The following SLC38A4 variants were observed in gnomAD, a reference collection of about 807,000 sequenced individuals.
SLC38A4 encodes solute carrier family 38 member 4.
SLC38A4 carries 20 observed loss-of-function variants against 63.1 expected under a neutral mutation model. The observed-to-expected ratio is 0.32, with a 90% confidence interval of 0.22 to 0.46. The LOEUF (loss-of-function observed/expected upper bound fraction) is 0.46. SLC38A4 is among the 20% of genes least tolerant of loss of function. SLC38A4 has a pLI of 1.00. For missense variants in SLC38A4, 526 were observed against 663.6 expected, an observed-to-expected ratio of 0.79 and a Z score of 2.28; for synonymous variants, 230 against 225.5, an observed-to-expected ratio of 1.02 and a Z score of -0.18.
At chr12:46,779,206 T>G (rs531502156) in intron 10 of SLC38A4, among the ~76,000 whole-genome samples, 12 of 152,092 alleles carry the variant, frequency 7.9e-5, no homozygotes, top group East Asian at 1.9e-4. Flanking sequence ...GATTTCTTCT[T>G]TAATCCCACT....
chr12:46,829,833 A>G (rs189083628), upstream of SLC38A4, among the ~76,000 whole-genome samples: 62 of 152,376 alleles, frequency 4.1e-4, no homozygotes, highest in Non-Finnish European at 7.3e-5. Flanking sequence ...TGAACAATTA[A>G]TGCCCAAGTA....
intron 13 of SLC38A4, among the ~76,000 whole-genome samples, chr12:46,775,567 C>T (rs76414072): frequency 0.014 from 2,180 of 152,068 alleles, 59 homozygotes; most frequent in African/African-American, 0.05. Flanking sequence ...TGCGCAGCCA[C>T]TCCTGATGCA....
At chr12:46,769,201 G>T (rs1938360034) in intron 15 of SLC38A4, 83 bp downstream of exon 15, 3 of 1,465,648 alleles carry the variant, frequency 2.0e-6, no homozygotes, top group Admixed American at 3.5e-5. Context: ...CGGGGATCTG[G>T]ATGACCCAGC....
In SLC38A4 at chr12:46,823,839, A is replaced by T. The variant is rs1202113909; in HGVS notation, c.-305+2064T>A. ...TCCAGGTACTATTCAGAAGTGATGC[A>T]TTTCCCTTGGCTAGTTACAGCCTCC... is the stretch of plus-strand genomic sequence containing the variant. On this transcript the variant is annotated intron_variant, in intron 1 of 16. Coordinates refer to ENST00000266579, the MANE Select transcript of SLC38A4 (RefSeq NM_018018.5). Among the ~76,000 whole-genome samples the T allele has an allele frequency of 2.0e-5, 3 of 152,178 alleles. No homozygotes were observed. In the East Asian group the frequency reaches 5.8e-4, roughly 29 times the overall value.
At chr12:46,814,710 G>A (rs1939404578) in intron 1 of SLC38A4, among the ~76,000 whole-genome samples, 2 of 151,872 alleles carry the variant, frequency 1.3e-5, no homozygotes, top group Non-Finnish European at 2.9e-5. Context: ...TCAGTGCATG[G>A]ATTAGCTGGC....
chr12:46,778,528 T>A lies in SLC38A4; in HGVS notation c.966A>T (p.Glu322Asp). 6.2e-7 allele frequency: 1 copy of A among 1,612,432 alleles called. No individual in the cohort carries two copies. Among genetic ancestry groups the A allele is most frequent in the East Asian group, 2.2e-5 (1 of 44,784 alleles). ...GGGAGTTGAATACAAAGTATTTGGGTTCACACTTGTCATCACTATGAGCTT... is the reference window on the plus strand; with the variant it reads ...GGGAGTTGAATACAAAGTATTTGGGATCACACTTGTCATCACTATGAGCTT... ...EYEAHSDDKC[E>D]PKYFVFNSRT... The change falls in exon 11 of 17, where the codon GAA becomes GAT. Residue 322 changes from glutamate to aspartate, a missense_variant. Physicochemically the swap from Glu to Asp is conservative, Grantham distance 45. Coordinates refer to ENST00000266579, the MANE Select transcript of SLC38A4 (RefSeq NM_018018.5).
rs1418579460 is a variant in SLC38A4 at position 46,766,617 on chromosome 12, C to T, written c.*84G>A. 5 of 954,884 alleles carry T rather than the reference C, an allele frequency of 5.2e-6. No individual in the cohort carries two copies. In the Admixed American group the frequency reaches 9.9e-5, roughly 19 times the overall value. 59.2% of individuals were successfully genotyped at this position (954,884 alleles called of 1,614,324 possible). A position where few individuals can be genotyped will look rare whatever the true frequency, so the allele number is the denominator to read the frequency against. On this transcript the variant is annotated 3_prime_UTR_variant, in exon 17 of 17. Transcript: ENST00000266579. The stretch of plus-strand genomic sequence containing the variant: ...TCTTCCTGTTATTTCCTATGAATAA[C>T]ATTCCAATCAAGATAATTCAAATAT...
At chr12:46,779,008 C>T (rs894560020) in intron 10 of SLC38A4, among the ~76,000 whole-genome samples, 2 of 151,944 alleles carry the variant, frequency 1.3e-5, no homozygotes, top group Non-Finnish European at 2.9e-5. Context: ...TTGCAAGAAT[C>T]CTTCCCACCC....
intron 3 of SLC38A4, among the ~76,000 whole-genome samples, chr12:46,789,987 A>G (rs1042333774): frequency 9.9e-5 from 15 of 152,186 alleles, no homozygotes; most frequent in Non-Finnish European, 2.2e-4. Context: ...CTGAAGCAGG[A>G]GAATCGCTTG....
rs1192216227 is a variant in SLC38A4, at chr12:46,784,176, TCGAA to T, written c.493+362_493+365del. Among the ~76,000 whole-genome samples the T allele has an allele frequency of 1.0e-3, 157 of 152,190 alleles. 1 individual carries two copies. Among genetic ancestry groups the T allele is most frequent in the African/African-American group, 3.6e-3 (148 of 41,564 alleles). Reference sequence around the variant, plus strand: ...GACAACCACTTTTCAGTTTAGTAAATCGAACTCAGTCACACATAGAAAACGTCAA... The same window carrying T: ...GACAACCACTTTTCAGTTTAGTAAATCTCAGTCACACATAGAAAACGTCAA... On this transcript the variant is annotated intron_variant, in intron 7 of 16. Transcript: ENST00000266579.
chr12:46,824,036 C>T (rs909296912), intron 1 of SLC38A4, among the ~76,000 whole-genome samples: 1 of 152,176 alleles, frequency 6.6e-6, no homozygotes, highest in Non-Finnish European at 1.5e-5. Context: ...TTGATAGTTG[C>T]CCTTGGGCTA....
Position 46,775,099 on chromosome 12 carries a change from G to A in SLC38A4, c.1249C>T (p.Leu417=). The A allele has an allele frequency of 6.2e-7, 1 of 1,612,924 alleles. No homozygotes were observed. The highest frequency in any genetic ancestry group is 8.5e-7 in the Non-Finnish European group (1 of 1,179,194). ...AGTGTTACTGCCACAAGGACTGCCAGGCGAACCATGAGAAGAGGGATGTCT... is the reference window on the plus strand; with the variant it reads ...AGTGTTACTGCCACAAGGACTGCCAAGCGAACCATGAGAAGAGGGATGTCT... ...TLDIPLLMVR[L]AVLVAVTLTV... The change falls in exon 14 of 17, where the codon CTG becomes TTG. Residue 417 remains leucine, a synonymous_variant. Transcript: ENST00000266579.
chr12:46,779,572 C>T (rs1420495061), intron 10 of SLC38A4, 39 bp downstream of exon 10: 2 of 1,552,044 alleles, frequency 1.3e-6, no homozygotes, highest in Admixed American at 2.1e-5. Context: ...AAAACTCATG[C>T]TAACCAACCT....
chr12:46,815,111 C>CAG (rs1939411931), intron 1 of SLC38A4, among the ~76,000 whole-genome samples: 1 of 151,474 alleles, frequency 6.6e-6, no homozygotes, highest in South Asian at 2.1e-4. Context: ...CATGTAATCA[C>CAG]AGTTATTCTA....
At position 46,788,743 on chromosome 12, in the gene SLC38A4, T is replaced by C. The variant is rs868321668; in HGVS notation, c.120-125A>G. ...GGGGAAATAAGACACCCCAATTTTC[T>C]TTTCCTCCTTCACACTAACGGTCAT... On this transcript the variant is annotated intron_variant, in intron 3 of 16. Coordinates refer to ENST00000266579, the MANE Select transcript of SLC38A4 (RefSeq NM_018018.5). The C allele has an allele frequency of 2.8e-5, 22 of 797,878 alleles. No individual in the cohort carries two copies. The South Asian group carries it at 3.1e-4, about 11-fold the overall frequency. 49.4% of individuals were successfully genotyped at this position (797,878 alleles called of 1,614,324 possible).
chr12:46,826,287 A>G (rs1939651292), upstream of SLC38A4, among the ~76,000 whole-genome samples: 1 of 152,238 alleles, frequency 6.6e-6, no homozygotes, highest in South Asian at 2.1e-4. Context: ...CAGGACAAAC[A>G]CAGGGTGGGT....
At chr12:46,815,251 A>ATATG (rs1939415926) in intron 1 of SLC38A4, among the ~76,000 whole-genome samples, 2 of 19,888 alleles carry the variant, frequency 1.0e-4, no homozygotes, top group Non-Finnish European at 1.3e-4. Context: ...ATATATATAT[A>ATATG]TATATATATA....
chr12:46,809,488 A>T lies in SLC38A4; in HGVS notation c.-304-5694T>A, dbSNP rs897091898. On this transcript the variant is annotated intron_variant, in intron 1 of 16. Transcript: ENST00000266579. ...CTGAAAAGCTTATTTCTGCTGCTGG[A>T]CTCCAAGCAACTCCCAGGTGGGGCC... is the stretch of plus-strand genomic sequence containing the variant. Among the ~76,000 whole-genome samples the T allele has an allele frequency of 5.3e-5, 8 of 151,922 alleles. No individual in the cohort carries two copies. The East Asian group carries it at 1.6e-3, about 30-fold the overall frequency.
intron 7 of SLC38A4, 35 bp downstream of exon 7, chr12:46,784,507 G>A (rs1369306693): frequency 7.1e-6 from 11 of 1,543,846 alleles, no homozygotes; most frequent in Non-Finnish European, 9.8e-6. Context: ...GCTATAGAAA[G>A]TTTATGGGAT....
Sources: gnomAD v4.1 joint callset for allele counts (sites outside exome capture counted in the v4.1 genomes callset) on GRCh38, gnomAD v4.1.1 for gene constraint, MANE v1.5 for transcripts, NCBI Gene and HGNC (gene_info 2026-07-23, HGNC 2026-07-21) for gene names.